The following LCP2 variants were observed in gnomAD, a reference collection of about 807,000 sequenced individuals.
The protein encoded by LCP2 is 76 kDa tyrosine phosphoprotein.
In LCP2, 29 loss-of-function variants were observed where a neutral mutation model predicts 74.5. That is an observed-to-expected ratio of 0.39 (90% confidence interval 0.29 to 0.53). LCP2 has a LOEUF of 0.53. LCP2 is among the 20% of genes least tolerant of loss of function. The pLI is 0.72. For missense variants in LCP2, 604 were observed against 634.6 expected (o/e 0.95, Z 0.52); for synonymous variants, 228 against 229.5 (o/e 0.99, Z 0.06).
rs769774271 is a variant in LCP2 at position 170,266,918 on chromosome 5, T to C, written c.689-27A>G. On this transcript the variant is annotated intron_variant, in intron 9 of 20. Transcript: ENST00000046794. The stretch of plus-strand genomic sequence containing the variant: ...TGGAAGGGGAAAAGGCTGACATCAA[T>C]TAAAAGAAGAAAGCAGTCGGCTGGG... 11 of 1,612,172 alleles carry C rather than the reference T, an allele frequency of 6.8e-6. No individual in the cohort carries two copies. The African/African-American group carries it at 1.5e-4, about 22-fold the overall frequency.
At position 170,256,198 on chromosome 5, in the gene LCP2, T is replaced by G. The variant is rs1279376063; in HGVS notation, c.1150+328A>C. 6.6e-6 allele frequency among the ~76,000 whole-genome samples: 1 copy of G among 152,102 alleles called. No homozygotes were observed. ...GTGTATGCATGTGCATGTGTGTGCATGTATTGTGTATGTGTATATATGTGT... is the reference window on the plus strand; with the variant it reads ...GTGTATGCATGTGCATGTGTGTGCAGGTATTGTGTATGTGTATATATGTGT... On this transcript the variant is annotated intron_variant, in intron 17 of 20. Transcript: ENST00000046794. This position sits in a 1 kb window ranked among gnomAD's most constrained non-coding sequence, Gnocchi z 4.5.
chr5:170,287,464 T>A (rs1201383701), intron 3 of LCP2, among the ~76,000 whole-genome samples: 1 of 152,200 alleles, frequency 6.6e-6, no homozygotes, highest in Non-Finnish European at 1.5e-5. Context: ...ATGGCAGACA[T>A]GAATGATCAA....
intron 2 of LCP2, among the ~76,000 whole-genome samples, chr5:170,289,613 TTCTTTTTC>T (rs1172775233): frequency 6.9e-4 from 99 of 144,052 alleles, no homozygotes; most frequent in South Asian, 1.3e-3. Context: ...CTTTCTTTCT[TTCTTTTTC>T]TTTCTTTCTT....
chr5:170,248,896 C>T, intron 20 of LCP2, 77 bp from the exon 21 acceptor site: 1 of 1,413,234 alleles, frequency 7.1e-7, no homozygotes, highest in Non-Finnish European at 9.9e-7. Flanking sequence ...TTTTTATCTG[C>T]ATAATATATG....
intron 3 of LCP2, 126 bp downstream of exon 3, chr5:170,287,844 C>T (rs969391556): frequency 2.0e-5 from 17 of 859,370 alleles, no homozygotes; most frequent in Non-Finnish European, 3.1e-5. Context: ...CCCTTGCCCT[C>T]ATCCTTCCTA....
At chr5:170,261,168 T>A (rs750254565) in intron 13 of LCP2, 31 bp from the exon 14 acceptor site, 1 of 1,561,260 alleles carries the variant, frequency 6.4e-7, no homozygotes. Context: ...TAAAAAGAAC[T>A]GAGCATGAAG....
At chr5:170,297,314 A>G (rs1273361013) in intron 1 of LCP2, among the ~76,000 whole-genome samples, 1 of 152,198 alleles carries the variant, frequency 6.6e-6, no homozygotes, top group Non-Finnish European at 1.5e-5. Flanking sequence ...TAATAGGCAC[A>G]TACTCATTTG....
At chr5:170,268,573 G>T (rs1028029284) in intron 7 of LCP2, 91 bp from the exon 8 acceptor site, 2 of 173,336 alleles carry the variant, frequency 1.2e-5, no homozygotes, top group South Asian at 2.0e-4. Flanking sequence ...GGGCACCGGG[G>T]GTGCATGATC....
intron 1 of LCP2, among the ~76,000 whole-genome samples, chr5:170,294,847 AG>A (rs1425624952): frequency 6.6e-6 from 1 of 152,244 alleles, no homozygotes; most frequent in Non-Finnish European, 1.5e-5. Flanking sequence ...GATTTTGAAG[AG>A]TGCTAACTTT....
rs539252930 is a variant in LCP2 at position 170,277,068 on chromosome 5, C to T, written c.189-1208G>A. 2.3e-3 allele frequency among the ~76,000 whole-genome samples: 291 copies of T among 124,922 alleles called. 1 individual carries two copies. Among genetic ancestry groups the T allele is most frequent in the Non-Finnish European group, 3.1e-3 (187 of 60,120 alleles). The allele number at this position is 124,922 out of a possible 152,430, so 82.0% of individuals were successfully genotyped here. On this transcript the variant is annotated intron_variant, in intron 3 of 20. Transcript: ENST00000046794. ...TCCAGCCTGGTGACAGAGGGAGACT[C>T]CATCTTAAAAAAAAAAAAAAAAAAA... is the stretch of plus-strand genomic sequence containing the variant.
intron 20 of LCP2, 34 bp downstream of exon 20, chr5:170,250,696 A>G: frequency 6.3e-7 from 1 of 1,585,900 alleles, no homozygotes. Flanking sequence ...ATAAATAAAG[A>G]CTTTGGGAAA....
chr5:170,289,617 T>TTCTTTC (rs1350461834), intron 2 of LCP2, among the ~76,000 whole-genome samples: 67 of 122,212 alleles, frequency 5.5e-4, no homozygotes, highest in Non-Finnish European at 9.1e-4. Flanking sequence ...CTTTCTTTCT[T>TTCTTTC]TTTCTTTCTT....
chr5:170,289,087 G>A (rs1762233039), intron 2 of LCP2, among the ~76,000 whole-genome samples: 1 of 152,168 alleles, frequency 6.6e-6, no homozygotes, highest in South Asian at 2.1e-4. Flanking sequence ...GTGTCATTTA[G>A]GGCATGCACT....
intron 1 of LCP2, among the ~76,000 whole-genome samples, chr5:170,295,159 C>A (rs929226442): frequency 1.3e-5 from 2 of 152,192 alleles, no homozygotes; most frequent in Non-Finnish European, 2.9e-5. Flanking sequence ...CACTGCACGA[C>A]CCAAGGATGT....
Position 170,297,653 on chromosome 5 carries a change from G to A in LCP2, c.-42C>T, listed in dbSNP as rs1393483109. The A allele has an allele frequency of 1.1e-5, 17 of 1,551,042 alleles. No homozygotes were observed. The highest frequency in any genetic ancestry group is 2.3e-5 in the East Asian group (1 of 42,608). On this transcript the variant is annotated 5_prime_UTR_variant, in exon 1 of 21. Transcript: ENST00000046794. ...AGAAGCTCACAAGCTGAGCATGGGC[G>A]CTTCACCCATGGGCAGAGAAGCTCA...
At chr5:170,250,644 A>G (rs146059783) in intron 20 of LCP2, 86 bp downstream of exon 20, 2 of 1,055,418 alleles carry the variant, frequency 1.9e-6, no homozygotes, top group African/African-American at 1.6e-5. Flanking sequence ...GCCATACAGC[A>G]CGGACTCTCA....
chr5:170,291,230 G>A (rs866202921), intron 2 of LCP2, among the ~76,000 whole-genome samples: 4 of 139,160 alleles, frequency 2.9e-5, no homozygotes, highest in East Asian at 2.4e-4. Context: ...AGGAAGAAAG[G>A]AAGGAAGGAA....
Position 170,294,011 on chromosome 5 carries a change from C to T in LCP2, c.79-639G>A, listed in dbSNP as rs562256158. Among the ~76,000 whole-genome samples, 161 of 152,256 alleles carry T rather than the reference C, an allele frequency of 1.1e-3. 3 individuals are homozygous for T. Among genetic ancestry groups the T allele is most frequent in the African/African-American group, 3.8e-3 (156 of 41,554 alleles). On this transcript the variant is annotated intron_variant, in intron 1 of 20. Transcript: ENST00000046794. ...AGCTTTCTGTGTGGCAGGCAGTGTACCAAGTAGTTAAACTAGTCTTCAATC... is the reference window on the plus strand; with the variant it reads ...AGCTTTCTGTGTGGCAGGCAGTGTATCAAGTAGTTAAACTAGTCTTCAATC...
At chr5:170,271,043 G>A in intron 6 of LCP2, 126 bp from the exon 7 acceptor site, 1 of 748,496 alleles carries the variant, frequency 1.3e-6, no homozygotes, top group Non-Finnish European at 2.1e-6. Flanking sequence ...CCTGAAGATG[G>A]TTACTCCCAT....
Sources: gnomAD v4.1 joint callset for allele counts (sites outside exome capture counted in the v4.1 genomes callset) on GRCh38, gnomAD v4.1.1 for gene constraint, Gnocchi (gnomAD v3.1) non-coding constraint, MANE v1.5 for transcripts, NCBI Gene and HGNC (gene_info 2026-07-23, HGNC 2026-07-21) for gene names.